The following NDUFAF7 variants were observed in gnomAD, a reference collection of about 807,000 sequenced individuals.
NDUFAF7 encodes the protein protein arginine methyltransferase NDUFAF7, mitochondrial.
In NDUFAF7, 48 loss-of-function variants were observed where a neutral mutation model predicts 47.2. That is an observed-to-expected ratio of 1.02 (90% confidence interval 0.81 to 1.29). The LOEUF is 1.29. Ranked by LOEUF, NDUFAF7 falls within the 50% of genes most tolerant of loss-of-function variation. NDUFAF7 has a pLI of 0.00. For synonymous variants in NDUFAF7, 217 were observed against 190.0 expected (o/e 1.14, Z -1.17); for missense variants, 635 against 537.6 (o/e 1.18, Z -1.79).
chr2:37,256,368 G>A (rs1198671873), downstream of NDUFAF7, among the ~76,000 whole-genome samples: 2 of 152,178 alleles, frequency 1.3e-5, no homozygotes, highest in Non-Finnish European at 2.9e-5. Context: ...GACTAGGAAG[G>A]ACCAGAAAAG....
downstream of NDUFAF7, chr2:37,252,159 C>G (rs1254383356): frequency 1.3e-5 from 2 of 152,206 alleles, no homozygotes; most frequent in Admixed American, 1.3e-4. Flanking sequence ...CTCCAGATAT[C>G]TGCAAAGCCC....
the NDUFAF7 span, among the ~76,000 whole-genome samples, chr2:37,263,635 T>G: frequency 6.6e-6 from 1 of 152,216 alleles, no homozygotes; most frequent in African/African-American, 2.4e-5. Flanking sequence ...TAATGTGTTT[T>G]CCCTTGAGTT....
intron 7 of NDUFAF7, among the ~76,000 whole-genome samples, chr2:37,244,521 T>G (rs1320236633): frequency 6.6e-6 from 1 of 152,162 alleles, no homozygotes; most frequent in African/African-American, 2.4e-5. Context: ...TTTCTGTTGA[T>G]CTCAAGGAAT....
chr2:37,247,763 A>G, intron 9 of NDUFAF7, 134 bp downstream of exon 9: 3 of 1,100,246 alleles, frequency 2.7e-6, no homozygotes, highest in East Asian at 2.6e-5. Context: ...TTCAGGTAGT[A>G]TAGGATTTAG....
the NDUFAF7 span, chr2:37,268,763 TAGAA>T: frequency 1.3e-5 from 2 of 154,512 alleles, no homozygotes; most frequent in African/African-American, 2.4e-5. Context: ...GACTGAAAGA[TAGAA>T]AGCAAAGAGG....
At chr2:37,254,132 T>C (rs1220402946), downstream of NDUFAF7, 1 of 1,106,056 alleles carries the variant, frequency 9.0e-7, no homozygotes, top group African/African-American at 1.5e-5. Flanking sequence ...TAGAGTGGTC[T>C]CATTAGGTGG....
chr2:37,261,294 G>A, the NDUFAF7 span, among the ~76,000 whole-genome samples: 6,964 of 150,814 alleles, frequency 0.046, 198 homozygotes, highest in Non-Finnish European at 0.072. Context: ...CGAGACCAGC[G>A]TAGCAAACAC....
chr2:37,246,041 C>T lies in NDUFAF7; in HGVS notation c.793-11C>T, dbSNP rs1666861596. ...GATGCATTTTGACTCTTGCAATGAT[C>T]CCTTTACTAGCATGACGAAACAAGG... On this transcript the variant is annotated splice_polypyrimidine_tract_variant and intron_variant, in intron 7 of 9. Transcript: ENST00000002125. 1.2e-6 allele frequency: 2 copies of T among 1,613,300 alleles called. No individual in the cohort carries two copies. Among genetic ancestry groups the T allele is most frequent in the African/African-American group, 2.7e-5 (2 of 74,900 alleles).
Position 37,232,250 on chromosome 2 carries a change from T to G in NDUFAF7, c.200T>G (p.Leu67Trp). Residue 67 changes from leucine (L) to tryptophan (W), a missense_variant, in exon 2 of 10, where the codon TTG (leucine) becomes TGG (tryptophan). Physicochemically the swap from Leu to Trp is moderately conservative, Grantham distance 61. Transcript: ENST00000002125. ...GTGGCCGAGTACATGAAGGAGGTGT[T>G]GACTAATCCAGCCAAGGTATGGGTC... Reference protein sequence around the residue: ...ITVAEYMKEVLTNPAKGYYVY... With the variant: ...ITVAEYMKEVWTNPAKGYYVY... 1 of 1,613,108 alleles carries G rather than the reference T, an allele frequency of 6.2e-7. No homozygotes were observed. The highest frequency in any genetic ancestry group is 8.5e-7 in the Non-Finnish European group (1 of 1,180,010).
At chr2:37,261,060 A>G in the NDUFAF7 span, among the ~76,000 whole-genome samples, 1 of 152,218 alleles carries the variant, frequency 6.6e-6, no homozygotes, top group Non-Finnish European at 1.5e-5. Context: ...GTGGCTCTTT[A>G]TTTCTGGACA....
At chr2:37,241,384 TTTC>T in intron 4 of NDUFAF7, among the ~76,000 whole-genome samples, 191 bp from the exon 5 acceptor site, 1 of 152,212 alleles carries the variant, frequency 6.6e-6, no homozygotes, top group Middle Eastern at 3.2e-3. Context: ...GCATTGTTCA[TTTC>T]TTATTTAGAT....
In NDUFAF7 at chr2:37,248,786, T is replaced by C. The variant is rs1436172516; in HGVS notation, c.*436T>C. 2 of 226,080 alleles carry C rather than the reference T, an allele frequency of 8.8e-6. No individual in the cohort carries two copies. The highest frequency in any genetic ancestry group is 1.1e-4 in the East Asian group (1 of 9,280). 14.0% of individuals were successfully genotyped at this position (226,080 alleles called of 1,614,324 possible). A position where few individuals can be genotyped will look rare whatever the true frequency, so the allele number is the denominator to read the frequency against. On this transcript the variant is annotated 3_prime_UTR_variant, in exon 10 of 10. Coordinates refer to ENST00000002125, the MANE Select transcript of NDUFAF7 (RefSeq NM_144736.5). ...AAAACTAGCCGGGTATGGTGGTACA[T>C]GCCTGTAATCCCAGCTACTCAGGAG...
intron 4 of NDUFAF7, among the ~76,000 whole-genome samples, chr2:37,239,192 C>T (rs1666108555): frequency 6.7e-6 from 1 of 149,058 alleles, no homozygotes; most frequent in African/African-American, 2.5e-5. Context: ...GATCTTGGCT[C>T]ACTGCAACCT....
At chr2:37,247,710 CT>C (rs1394312165) in intron 9 of NDUFAF7, 81 bp downstream of exon 9, 5 of 1,488,856 alleles carry the variant, frequency 3.4e-6, no homozygotes, top group Non-Finnish European at 4.7e-6. Context: ...TTCACCTGGC[CT>C]TAATGCTCTT....
At chr2:37,262,073 CTTAG>C in the NDUFAF7 span, among the ~76,000 whole-genome samples, 3 of 152,162 alleles carry the variant, frequency 2.0e-5, no homozygotes, top group East Asian at 3.8e-4. Flanking sequence ...TTTTTATCTA[CTTAG>C]TTATTTTCAA....
At chr2:37,247,311 A>C (rs947826039) in intron 8 of NDUFAF7, 145 bp from the exon 9 acceptor site, 2 of 938,428 alleles carry the variant, frequency 2.1e-6, no homozygotes, top group African/African-American at 3.3e-5. Context: ...AACACTGCCT[A>C]GGTGTTCCCT....
At chr2:37,240,395 C>G (rs999328538) in intron 4 of NDUFAF7, among the ~76,000 whole-genome samples, 1 of 150,758 alleles carries the variant, frequency 6.6e-6, no homozygotes, top group Non-Finnish European at 1.5e-5. Flanking sequence ...AAAGTGAGAC[C>G]CTGTCTCAAA....
intron 8 of NDUFAF7, 94 bp downstream of exon 8, chr2:37,246,289 T>G (rs1666894196): frequency 7.3e-7 from 1 of 1,365,032 alleles, no homozygotes; most frequent in Non-Finnish European, 1.0e-6. Flanking sequence ...CTGGTATTGT[T>G]GTATTACATT....
chr2:37,235,505 G>A (rs961988619), intron 2 of NDUFAF7, among the ~76,000 whole-genome samples: 1 of 152,060 alleles, frequency 6.6e-6, no homozygotes, highest in Non-Finnish European at 1.5e-5. Flanking sequence ...TGGGAGGGGA[G>A]GAAGGGTCTG....
Sources: allele counts gnomAD v4.1 joint callset (sites outside exome capture counted in the v4.1 genomes callset), GRCh38; gene constraint gnomAD v4.1.1; transcripts MANE v1.5; gene names NCBI Gene and HGNC (gene_info 2026-07-23, HGNC 2026-07-21).